VPS37B: variants seen among roughly 807,000 people sequenced by gnomAD.
VPS37B encodes the protein vacuolar protein sorting-associated protein 37B.
Under a neutral mutation model 21.2 loss-of-function variants are expected in VPS37B, and 11 were observed. The ratio of observed to expected loss-of-function variants is 0.52; its 90% CI spans 0.33 to 0.86. The LOEUF (loss-of-function observed/expected upper bound fraction) is 0.86, where lower values mean the gene tolerates loss of function less well. VPS37B is among the 40% of genes least tolerant of loss of function. The pLI is 0.03. For synonymous variants in VPS37B, 175 were observed against 159.6 expected (o/e 1.10, Z -0.73); for missense variants, 389 against 374.8 (o/e 1.04, Z -0.31).
At chr12:122,869,167 C>T (rs1283120355) in intron 2 of VPS37B, among the ~76,000 whole-genome samples, 2 of 152,220 alleles carry the variant, frequency 1.3e-5, no homozygotes, top group Admixed American at 6.5e-5. Context: ...TGTAAACAGA[C>T]TTTATGTGCC....
Position 122,870,687 on chromosome 12 carries a change from G to A in VPS37B, c.283+203C>T, listed in dbSNP as rs1175039571. On this transcript the variant is annotated intron_variant, in intron 2 of 3. Transcript: ENST00000267202. ...GGAGGTCGTGCTGAGCCATGGTTGC[G>A]CCACTGCACTCCAGTCTGACAGAGC... 5.2e-5 allele frequency: 26 copies of A among 497,274 alleles called. 1 individual carries two copies. The highest frequency in any genetic ancestry group is 4.1e-4 in the South Asian group (15 of 36,312). 30.8% of individuals were successfully genotyped at this position (497,274 alleles called of 1,614,324 possible). A position where few individuals can be genotyped will look rare whatever the true frequency, so the allele number is the denominator to read the frequency against.
intron 1 of VPS37B, among the ~76,000 whole-genome samples, chr12:122,892,745 AC>A (rs2034434850): frequency 6.6e-6 from 1 of 152,166 alleles, no homozygotes; most frequent in Admixed American, 6.5e-5. Flanking sequence ...CCCCATCTCT[AC>A]AAAAAAACAA....
At chr12:122,872,030 C>A in intron 1 of VPS37B, 1 of 985,390 alleles carries the variant, frequency 1.0e-6, no homozygotes, top group Non-Finnish European at 1.2e-6. Context: ...TTCTTCAACG[C>A]CACCCCAGTC....
chr12:122,867,686 G>A lies in VPS37B; in HGVS notation c.367-79C>T. 1 of 1,581,486 alleles carries A rather than the reference G, an allele frequency of 6.3e-7. No individual in the cohort carries two copies. ...CTTCGTGGTCTAGGCACAAGGAGAG[G>A]CAACGCCCAGCTGCTTCCAACACTG... is the stretch of plus-strand genomic sequence containing the variant. On this transcript the variant is annotated intron_variant, in intron 3 of 3. Transcript: ENST00000267202. This position sits in a 1 kb window ranked among gnomAD's most constrained non-coding sequence, Gnocchi z 5.5.
In VPS37B at chr12:122,896,010, A is replaced by T. The variant is rs1235131366; in HGVS notation, c.53T>A (p.Leu18His). 6.2e-7 allele frequency: 1 copy of T among 1,602,084 alleles called. No homozygotes were observed. Among genetic ancestry groups the T allele is most frequent in the Admixed American group, 1.7e-5 (1 of 59,476 alleles). Residue 18 changes from leucine (L) to histidine (H), a missense_variant, in exon 1 of 4, where the codon CTC becomes CAC. Physicochemically the swap from Leu to His is moderately conservative, Grantham distance 99 (BLOSUM62 -3). Transcript: ENST00000267202. Reference protein sequence around the residue: ...ARFAGLSLVQLNELLEDEGQL... With the variant: ...ARFAGLSLVQHNELLEDEGQL... ...GCCCTCGTCCTCCAGCAGCTCGTTG[A>T]GCTGCACCAGCGACAGCCCGGCGAA...
intron 1 of VPS37B, chr12:122,884,844 T>A (rs185642551): frequency 2.6e-4 from 39 of 152,384 alleles, no homozygotes; most frequent in African/African-American, 9.1e-4. Context: ...AATTCATGTC[T>A]AAGAATTCTT....
rs972522415 is a variant in VPS37B, at chr12:122,878,702, T to C, written c.112-7641A>G. On this transcript the variant is annotated intron_variant, in intron 1 of 3. Coordinates refer to ENST00000267202, the MANE Select transcript of VPS37B (RefSeq NM_024667.3). ...CCCAGGTTGGAGTGCAGTGGGGCAA[T>C]CTCGGCTCACTACAACCTCCGCCTC... 4 of 137,474 alleles carry C rather than the reference T, an allele frequency of 2.9e-5. No individual in the cohort carries two copies. The Admixed American group carries it at 3.1e-4, about 11-fold the overall frequency. The allele number at this position is 137,474 out of a possible 1,614,324, so 8.5% of individuals were successfully genotyped here. A position where few individuals can be genotyped will look rare whatever the true frequency, so the allele number is the denominator to read the frequency against.
chr12:122,871,811 A>G (rs1458219304), intron 1 of VPS37B: 1 of 980,096 alleles, frequency 1.0e-6, no homozygotes, highest in East Asian at 1.1e-4. Context: ...GTCTGAGAAA[A>G]AAAGGCAAAA....
chr12:122,866,762 G>A lies in VPS37B; in HGVS notation c.*354C>T, dbSNP rs1346136717. ...AAATAAAATAAGTATCATGAACCATGCTCATTAAATAAAGCTGCAACAGAA... is the reference window on the plus strand; with the variant it reads ...AAATAAAATAAGTATCATGAACCATACTCATTAAATAAAGCTGCAACAGAA... On this transcript the variant is annotated 3_prime_UTR_variant, in exon 4 of 4. Coordinates refer to ENST00000267202, the MANE Select transcript of VPS37B (RefSeq NM_024667.3). 2.2e-5 allele frequency: 5 copies of A among 231,938 alleles called. No individual in the cohort carries two copies. The highest frequency in any genetic ancestry group is 4.2e-5 in the Non-Finnish European group (5 of 120,440). The allele number at this position is 231,938 out of a possible 1,614,324, so 14.4% of individuals were successfully genotyped here.
intron 1 of VPS37B, chr12:122,878,945 C>G (rs984749028): frequency 2.6e-5 from 4 of 152,114 alleles, no homozygotes; most frequent in Admixed American, 2.6e-4. Flanking sequence ...AGCCACCCTG[C>G]CCGGCCGACA....
intron 1 of VPS37B, among the ~76,000 whole-genome samples, chr12:122,892,930 G>A (rs1434850287): frequency 3.3e-5 from 5 of 152,088 alleles, no homozygotes; most frequent in Non-Finnish European, 5.9e-5. Flanking sequence ...GTGTGATGGC[G>A]CACACCTGTG....
At chr12:122,890,827 C>T (rs2034401669) in intron 1 of VPS37B, among the ~76,000 whole-genome samples, 2 of 152,150 alleles carry the variant, frequency 1.3e-5, no homozygotes, top group South Asian at 4.1e-4. Flanking sequence ...GTATTGTAGA[C>T]ATTTCTGTAT....
intron 2 of VPS37B, among the ~76,000 whole-genome samples, chr12:122,869,836 AG>A: frequency 6.6e-6 from 1 of 152,110 alleles, no homozygotes; most frequent in East Asian, 1.9e-4. Flanking sequence ...TCAATCTCCA[AG>A]GCTCAAGCAA....
At position 122,867,245 on chromosome 12, in the gene VPS37B, C is replaced by G. The variant is rs751702167; in HGVS notation, c.729G>C (p.Leu243=). 2 of 1,559,688 alleles carry G rather than the reference C, an allele frequency of 1.3e-6. No homozygotes were observed. Among genetic ancestry groups the G allele is most frequent in the Non-Finnish European group, 8.6e-7 (1 of 1,159,906 alleles). Residue 243 remains leucine, a synonymous_variant, in exon 4 of 4, where the codon CTG becomes CTC. Coordinates refer to ENST00000267202, the MANE Select transcript of VPS37B (RefSeq NM_024667.3). This position sits in a 1 kb window ranked among gnomAD's most constrained non-coding sequence, Gnocchi z 5.5. ...VPYPGLQCPP[L]PPRVGLPTQQ... ...GAGTGGGGAGGCCCACGCGGGGGGG[C>G]AGGGGCGGGCACTGTAATCCTGGGT...
At position 122,866,906 on chromosome 12, in the gene VPS37B, T is replaced by G; in HGVS notation, c.*210A>C. 6 of 480,170 alleles carry G rather than the reference T, an allele frequency of 1.2e-5. No homozygotes were observed. Among genetic ancestry groups the G allele is most frequent in the Non-Finnish European group, 1.7e-5 (5 of 287,686 alleles). The allele number at this position is 480,170 out of a possible 1,614,324, so 29.7% of individuals were successfully genotyped here. A position where few individuals can be genotyped will look rare whatever the true frequency, so the allele number is the denominator to read the frequency against. On this transcript the variant is annotated 3_prime_UTR_variant, in exon 4 of 4. Transcript: ENST00000267202. ...TGCAAACCGATGCAACGCACAGGTG[T>G]CAGGCTGTAACCCGGCACACACAAC...
intron 1 of VPS37B, chr12:122,885,356 C>A (rs1210953722): frequency 6.6e-6 from 1 of 151,682 alleles, no homozygotes; most frequent in Non-Finnish European, 1.5e-5. Context: ...CAAAAAAGTG[C>A]CTAAATATCC....
At chr12:122,876,006 G>C (rs957432826) in intron 1 of VPS37B, 2 of 152,148 alleles carry the variant, frequency 1.3e-5, no homozygotes, top group Non-Finnish European at 2.9e-5. Flanking sequence ...TAATCTCTCT[G>C]TGGTAAAGAA....
At chr12:122,893,544 G>C (rs541543931) in intron 1 of VPS37B, among the ~76,000 whole-genome samples, 175 of 152,228 alleles carry the variant, frequency 1.1e-3, no homozygotes, top group African/African-American at 3.8e-3. Context: ...AGCATTACCA[G>C]ATGAGTGAAA....
At chr12:122,872,143 C>T (rs2034051336) in intron 1 of VPS37B, 3 of 985,336 alleles carry the variant, frequency 3.0e-6, no homozygotes, top group Non-Finnish European at 2.4e-6. Context: ...GCCATGCTGC[C>T]TCTGCTCCCC....
Sources: allele counts gnomAD v4.1 joint callset (sites outside exome capture counted in the v4.1 genomes callset), GRCh38; gene constraint gnomAD v4.1.1; non-coding constraint Gnocchi (gnomAD v3.1); transcripts MANE v1.5; gene names NCBI Gene and HGNC (gene_info 2026-07-23, HGNC 2026-07-21).